Variants in PTPRN2 observed in about 807,000 individuals in gnomAD.
PTPRN2 encodes protein tyrosine phosphatase receptor type N2, also known as receptor-type tyrosine-protein phosphatase N2.
Under a neutral mutation model 118.8 loss-of-function variants are expected in PTPRN2, and 74 were observed. The ratio of observed to expected loss-of-function variants is 0.62; its 90% confidence interval spans 0.52 to 0.76. The LOEUF (loss-of-function observed/expected upper bound fraction) is 0.76, where lower values mean the gene tolerates loss of function less well. Ranked by LOEUF, PTPRN2 falls within the 30% of genes least tolerant of loss-of-function variation. The pLI, the probability that PTPRN2 is intolerant of heterozygous loss-of-function variation, is 0.00. For missense variants in PTPRN2, 1,481 were observed against 1,394.4 expected (o/e 1.06, Z -0.99); for synonymous variants, 641 against 608.0 (o/e 1.05, Z -0.80).
intron 5 of PTPRN2, among the ~76,000 whole-genome samples, chr7:158,186,268 T>C (rs776215044): frequency 6.6e-6 from 1 of 152,190 alleles, no homozygotes; most frequent in Non-Finnish European, 1.5e-5. Context: ...CTTTCTGGAA[T>C]GCAGTTCATC....
rs1328695782 is a variant in PTPRN2, at chr7:158,188,263, G to A, written c.549+4064C>T. Among the ~76,000 whole-genome samples the A allele has an allele frequency of 9.7e-3, 785 of 81,016 alleles. 37 individuals carry two copies. Among genetic ancestry groups the A allele is most frequent in the African/African-American group, 0.015 (310 of 21,164 alleles). 53.1% of individuals were successfully genotyped at this position (81,016 alleles called of 152,430 possible). On this transcript the variant is annotated intron_variant, in intron 5 of 22. Coordinates refer to ENST00000389418, the MANE Select transcript of PTPRN2 (RefSeq NM_002847.5). ...GCCCCGCGATGGGGAAGGCCGCCAC[G>A]CTCGCCCCCTGTATGGGGAAGGCCG...
chr7:158,331,230 G>A (rs60465273), intron 2 of PTPRN2, among the ~76,000 whole-genome samples: 188 of 7,236 alleles, frequency 0.026, 1 homozygote, highest in Middle Eastern at 0.071. Context: ...AAGAGCTGAC[G>A]CCCGCAGACG....
chr7:158,524,175 G>A (rs1473484010), intron 1 of PTPRN2, among the ~76,000 whole-genome samples: 4 of 62,208 alleles, frequency 6.4e-5, no homozygotes, highest in African/African-American at 2.2e-4. Context: ...GAGTGGAGTC[G>A]TCTACCCTGG....
Position 157,861,550 on chromosome 7 carries a change from C to T in PTPRN2, c.1788+37123G>A, listed in dbSNP as rs1305462413. On this transcript the variant is annotated intron_variant, in intron 12 of 22. Transcript: ENST00000389418. This position sits in a 1 kb window ranked among gnomAD's most constrained non-coding sequence, Gnocchi z 5.8. Reference sequence around the variant, plus strand: ...CCTCCCCACCTTACCTGCAGACACGCTCCCTGTACTCAAAGCCGAGCTGTG... The same window carrying T: ...CCTCCCCACCTTACCTGCAGACACGTTCCCTGTACTCAAAGCCGAGCTGTG... Among the ~76,000 whole-genome samples the T allele has an allele frequency of 6.6e-6, 1 of 152,218 alleles. No homozygotes were observed. Among genetic ancestry groups the T allele is most frequent in the African/African-American group, 2.4e-5 (1 of 41,464 alleles).
At position 158,525,276 on chromosome 7, in the gene PTPRN2, C is replaced by T. The variant is rs1824684588; in HGVS notation, c.113-35491G>A. Among the ~76,000 whole-genome samples, 3 of 152,186 alleles carry T rather than the reference C, an allele frequency of 2.0e-5. No homozygotes were observed. Among genetic ancestry groups the T allele is most frequent in the Admixed American group, 6.5e-5 (1 of 15,282 alleles). On this transcript the variant is annotated intron_variant, in intron 1 of 22. Transcript: ENST00000389418. This position sits in a 1 kb window ranked among gnomAD's most constrained non-coding sequence, Gnocchi z 4.1. The stretch of plus-strand genomic sequence containing the variant: ...AAGTTTCTCTATTTTGGAAACTGGG[C>T]ATCTGCCAAGGAGAACACACGGCCC...
At chr7:158,081,163 G>T in intron 11 of PTPRN2, 135 bp downstream of exon 11, 1 of 864,770 alleles carries the variant, frequency 1.2e-6, no homozygotes, top group Non-Finnish European at 1.9e-6. Context: ...CACGGAAACC[G>T]AGACCTTCCT....
intron 11 of PTPRN2, among the ~76,000 whole-genome samples, chr7:158,076,513 G>C (rs1427452395): frequency 6.6e-6 from 1 of 152,248 alleles, no homozygotes; most frequent in Non-Finnish European, 1.5e-5. Context: ...CACCTCAGCG[G>C]AGCTGATTCC....
intron 11 of PTPRN2, among the ~76,000 whole-genome samples, chr7:158,066,170 T>A (rs1810756824): frequency 6.6e-6 from 1 of 152,174 alleles, no homozygotes; most frequent in African/African-American, 2.4e-5. Flanking sequence ...CTCGGAGGCA[T>A]CACAAAAAAT....
chr7:158,319,525 C>CCA (rs1459259671), intron 2 of PTPRN2, among the ~76,000 whole-genome samples: 1 of 44,316 alleles, frequency 2.3e-5, no homozygotes, highest in Non-Finnish European at 4.5e-5. Context: ...ACACAGCCTC[C>CCA]CTCACACACA....
chr7:157,744,890 C>T lies in PTPRN2; in HGVS notation c.1789-61953G>A, dbSNP rs551705846. Among the ~76,000 whole-genome samples, 4 of 152,308 alleles carry T rather than the reference C, an allele frequency of 2.6e-5. No individual in the cohort carries two copies. The South Asian group carries it at 6.2e-4, about 24-fold the overall frequency. On this transcript the variant is annotated intron_variant, in intron 12 of 22. Coordinates refer to ENST00000389418, the MANE Select transcript of PTPRN2 (RefSeq NM_002847.5). ...GGGCTTCCCTCAGCCCCTGGGTGTTCACTTCAGCCGCACCCCAGTCCCCCG... is the reference window on the plus strand; with the variant it reads ...GGGCTTCCCTCAGCCCCTGGGTGTTTACTTCAGCCGCACCCCAGTCCCCCG...
chr7:157,719,316 G>A (rs551554451), intron 12 of PTPRN2, among the ~76,000 whole-genome samples: 6 of 152,324 alleles, frequency 3.9e-5, no homozygotes, highest in South Asian at 2.1e-4. Flanking sequence ...AAGGGGGAGC[G>A]GAGATCGTGC....
intron 12 of PTPRN2, among the ~76,000 whole-genome samples, chr7:157,759,955 T>C (rs1243044313): frequency 4.6e-5 from 7 of 152,182 alleles, no homozygotes; most frequent in Admixed American, 4.6e-4. Flanking sequence ...AACCATAGTG[T>C]AGGAAGAGAC....
intron 2 of PTPRN2, among the ~76,000 whole-genome samples, chr7:158,328,437 A>G (rs563455559): frequency 7.2e-5 from 11 of 152,330 alleles, no homozygotes; most frequent in African/African-American, 2.6e-4. Context: ...TACAGTTCAG[A>G]GCAGCCACTG....
At chr7:157,739,291 T>C (rs1800484213) in intron 12 of PTPRN2, 1 of 152,224 alleles carries the variant, frequency 6.6e-6, no homozygotes, top group African/African-American at 2.4e-5. Flanking sequence ...GACACAAATA[T>C]AAGCAGCAGC....
chr7:158,332,897 G>A (rs1410157424), intron 2 of PTPRN2, among the ~76,000 whole-genome samples: 615 of 142,770 alleles, frequency 4.3e-3, no homozygotes, highest in African/African-American at 0.017. Flanking sequence ...ACCTGCAAAC[G>A]TCACTCACAC....
intron 15 of PTPRN2, among the ~76,000 whole-genome samples, chr7:157,604,528 G>T (rs1272677050): frequency 6.6e-6 from 1 of 152,194 alleles, no homozygotes; most frequent in Non-Finnish European, 1.5e-5. Flanking sequence ...TTAAATCACA[G>T]ACACACTTGG....
chr7:158,533,117 G>A (rs528432783), intron 1 of PTPRN2, among the ~76,000 whole-genome samples: 4 of 152,270 alleles, frequency 2.6e-5, no homozygotes, highest in African/African-American at 9.6e-5. Context: ...CAACAACCAC[G>A]GGAGCTTGAA....
intron 12 of PTPRN2, among the ~76,000 whole-genome samples, chr7:157,825,637 T>C (rs551971598): frequency 3.3e-5 from 5 of 152,360 alleles, no homozygotes; most frequent in African/African-American, 1.2e-4. Flanking sequence ...TGAGCTCTGC[T>C]GCCTGGACCA....
At chr7:157,941,528 C>A (rs531902871) in intron 11 of PTPRN2, among the ~76,000 whole-genome samples, 1 of 152,060 alleles carries the variant, frequency 6.6e-6, no homozygotes, top group South Asian at 2.1e-4. Flanking sequence ...ACACTGCAAG[C>A]GATTCTTCAG....
Sources: gnomAD v4.1 joint callset for allele counts (sites outside exome capture counted in the v4.1 genomes callset) on GRCh38, gnomAD v4.1.1 for gene constraint, Gnocchi (gnomAD v3.1) non-coding constraint, MANE v1.5 for transcripts, NCBI Gene and HGNC (gene_info 2026-07-23, HGNC 2026-07-21) for gene names.